Variants in ELSPBP1 observed in about 807,000 individuals in gnomAD.
ELSPBP1 encodes epididymal sperm-binding protein 1.
ELSPBP1 carries 38 observed loss-of-function variants against 33.3 expected under a neutral mutation model. The observed-to-expected ratio is 1.14, with a 90% CI of 0.88 to 1.50. The LOEUF is 1.50. ELSPBP1 is among the 40% of genes most tolerant of loss of function. The pLI, the probability that ELSPBP1 is intolerant of heterozygous loss-of-function variation, is 0.00. For missense variants in ELSPBP1, 267 were observed against 263.5 expected, an observed-to-expected ratio of 1.01 and a Z score of -0.09; for synonymous variants, 85 against 94.1, an observed-to-expected ratio of 0.90 and a Z score of 0.56.
chr19:48,022,488 A>G (rs376622857), intron 6 of ELSPBP1, 154 bp downstream of exon 6: 26 of 599,964 alleles, frequency 4.3e-5, no homozygotes, highest in South Asian at 3.8e-4. Context: ...CTTTTCCAGC[A>G]TGTCTGATTA....
chr19:48,006,632 A>AG (rs1967021337), intron 1 of ELSPBP1, among the ~76,000 whole-genome samples: 1 of 140,312 alleles, frequency 7.1e-6, no homozygotes, highest in Non-Finnish European at 1.6e-5. Flanking sequence ...AAAAAAAAAA[A>AG]AAAAAAAAAA....
intron 1 of ELSPBP1, among the ~76,000 whole-genome samples, chr19:47,997,480 CATT>C (rs1966922745): frequency 6.6e-6 from 1 of 152,056 alleles, no homozygotes; most frequent in African/African-American, 2.4e-5. Flanking sequence ...TGTATATACA[CATT>C]ATGTATGTGC....
At chr19:48,012,203 G>C (rs1967086550) in intron 2 of ELSPBP1, among the ~76,000 whole-genome samples, 1 of 152,116 alleles carries the variant, frequency 6.6e-6, no homozygotes, top group African/African-American at 2.4e-5. Flanking sequence ...ATGGCTCACT[G>C]TGGCCTCAAC....
At chr19:48,014,529 TG>T (rs1206329828) in intron 3 of ELSPBP1, among the ~76,000 whole-genome samples, 1 of 43,884 alleles carries the variant, frequency 2.3e-5, no homozygotes, top group Admixed American at 3.6e-4. Flanking sequence ...TGTTGTGGGG[TG>T]GGGGGCGGGG....
In ELSPBP1 at chr19:48,016,415, C is replaced by T. The variant is rs1010270645; in HGVS notation, c.355+376C>T. Among the ~76,000 whole-genome samples, 94 of 149,860 alleles carry T rather than the reference C, an allele frequency of 6.3e-4. 3 individuals carry two copies. The highest frequency in any genetic ancestry group is 1.5e-4 in the Non-Finnish European group (10 of 67,456). On this transcript the variant is annotated intron_variant, in intron 4 of 6. Coordinates refer to ENST00000339841, the MANE Select transcript of ELSPBP1 (RefSeq NM_022142.5). ...TTCCTTCCTTCCTTTCCTTTCTTTC[C>T]TTTCCTCCCTCCCTTCCTCCCTCCC...
chr19:47,998,661 C>G (rs2122287228), intron 1 of ELSPBP1, among the ~76,000 whole-genome samples: 1 of 152,030 alleles, frequency 6.6e-6, no homozygotes, highest in Non-Finnish European at 1.5e-5. Context: ...GTGGTGGGCG[C>G]CTGTAGTCCC....
intron 1 of ELSPBP1, among the ~76,000 whole-genome samples, chr19:48,004,488 C>T (rs894968581): frequency 1.3e-5 from 2 of 152,166 alleles, no homozygotes; most frequent in South Asian, 2.1e-4. Flanking sequence ...CCACTTGCTC[C>T]TTGAGCACAT....
At chr19:48,016,520 CTTTCTTT>C (rs1967141645) in intron 4 of ELSPBP1, among the ~76,000 whole-genome samples, 1 of 83,038 alleles carries the variant, frequency 1.2e-5, no homozygotes, top group African/African-American at 4.1e-5. Context: ...TTCTTTCTTT[CTTTCTTT>C]CTTCCTTCCT....
intron 1 of ELSPBP1, among the ~76,000 whole-genome samples, chr19:48,006,574 A>C (rs111653265): frequency 7.3e-6 from 1 of 137,404 alleles, no homozygotes; most frequent in Non-Finnish European, 1.5e-5. Context: ...AGGTGGTGCC[A>C]CTGCACTCCA....
At chr19:47,998,977 G>A (rs1966940346) in intron 1 of ELSPBP1, among the ~76,000 whole-genome samples, 1 of 152,158 alleles carries the variant, frequency 6.6e-6, no homozygotes, top group Non-Finnish European at 1.5e-5. Context: ...GTCCAGCCAT[G>A]TGGCCCTCCC....
At chr19:48,005,470 T>G (rs953355262) in intron 1 of ELSPBP1, among the ~76,000 whole-genome samples, 2 of 152,048 alleles carry the variant, frequency 1.3e-5, no homozygotes, top group African/African-American at 4.8e-5. Context: ...GGGCTACAAC[T>G]CAGGTGGTTG....
chr19:48,018,886 G>T (rs1220242629), intron 4 of ELSPBP1, among the ~76,000 whole-genome samples: 1 of 152,208 alleles, frequency 6.6e-6, no homozygotes, highest in Non-Finnish European at 1.5e-5. Flanking sequence ...GGGCGTGGTG[G>T]CTCATGCCTG....
intron 1 of ELSPBP1, among the ~76,000 whole-genome samples, chr19:47,999,478 TC>T (rs1328316684): frequency 6.8e-6 from 1 of 147,224 alleles, no homozygotes; most frequent in African/African-American, 2.5e-5. Flanking sequence ...AACCTCCACT[TC>T]CTGGCTTCAA....
chr19:48,014,299 C>CA lies in ELSPBP1; in HGVS notation c.200dup (p.Ser68GlufsTer2), dbSNP rs760133348. The CA allele has an allele frequency of 2.5e-6, 4 of 1,613,492 alleles. No individual in the cohort carries two copies. The highest frequency in any genetic ancestry group is 3.4e-6 in the Non-Finnish European group (4 of 1,179,910). On this transcript the variant is annotated frameshift_variant, in exon 3 of 7. Transcript: ENST00000339841. LOFTEE classifies it high-confidence loss of function. ...GTACAACGGCCAGTGGAAGTACTGCCAGAGTGAAGGTGAGTGGTATCACAT... is the reference window on the plus strand; with the variant it reads ...GTACAACGGCCAGTGGAAGTACTGCCAAGAGTGAAGGTGAGTGGTATCACAT...
intron 1 of ELSPBP1, among the ~76,000 whole-genome samples, chr19:48,006,396 T>C (rs1261425450): frequency 3.3e-5 from 5 of 151,732 alleles, no homozygotes; most frequent in Admixed American, 6.6e-5. Flanking sequence ...GGTGGATCAT[T>C]TGAGGTCAGG....
Position 48,013,716 on chromosome 19 carries a change from C to CA in ELSPBP1, c.71-442dup, listed in dbSNP as rs35241354. Among the ~76,000 whole-genome samples, 173 of 135,072 alleles carry CA rather than the reference C, an allele frequency of 1.3e-3. 2 individuals are homozygous for CA. Among genetic ancestry groups the CA allele is most frequent in the South Asian group, 2.1e-3 (9 of 4,322 alleles). The allele number at this position is 135,072 out of a possible 152,430, so 88.6% of individuals were successfully genotyped here. ...TGGGTGACAGAGTAAGACTTCATCT[C>CA]AAAAAAAAAAAAAGTAAATAAAATA... is the stretch of plus-strand genomic sequence containing the variant. On this transcript the variant is annotated intron_variant, in intron 2 of 6. Transcript: ENST00000339841.
intron 2 of ELSPBP1, among the ~76,000 whole-genome samples, chr19:48,013,520 C>A (rs1005471706): frequency 3.3e-5 from 5 of 152,060 alleles, no homozygotes; most frequent in African/African-American, 1.2e-4. Flanking sequence ...AGTTTGAGAC[C>A]AGCCTGGCCA....
chr19:48,019,876 C>T lies in ELSPBP1; in HGVS notation c.513C>T (p.Thr171=). ...KDGKWSFCAD[T]RISALVPGFP... is the part of the protein sequence containing the mutation. ...GAAAGTGGAGTTTCTGTGCCGACAC[C>T]AGTAATCTGGGGATGGGGGTTGGGT... Residue 171 remains threonine, a splice_region_variant and synonymous_variant, in exon 5 of 7, where the codon ACC becomes ACT. Coordinates refer to ENST00000339841, the MANE Select transcript of ELSPBP1 (RefSeq NM_022142.5). 1 of 1,609,860 alleles carries T rather than the reference C, an allele frequency of 6.2e-7. No individual in the cohort carries two copies. The highest frequency in any genetic ancestry group is 1.1e-5 in the South Asian group (1 of 90,762).
chr19:47,998,418 AG>A lies in ELSPBP1; in HGVS notation c.-18+3608del, dbSNP rs534635963. Reference sequence around the variant, plus strand: ...AGAGTGAGACTCCATCTCAAAAAAAAGAAAAAAAATCAATCAATCAATCAAT... The same window carrying A: ...AGAGTGAGACTCCATCTCAAAAAAAAAAAAAAAATCAATCAATCAATCAAT... On this transcript the variant is annotated intron_variant, in intron 1 of 6. Transcript: ENST00000339841. Among the ~76,000 whole-genome samples the A allele has an allele frequency of 3.7e-3, 557 of 152,040 alleles. 1 individual carries two copies. The highest frequency in any genetic ancestry group is 0.013 in the African/African-American group (532 of 41,410).
Sources: gnomAD v4.1 joint callset for allele counts (sites outside exome capture counted in the v4.1 genomes callset) on GRCh38, gnomAD v4.1.1 for gene constraint, MANE v1.5 for transcripts, NCBI Gene and HGNC (gene_info 2026-07-23, HGNC 2026-07-21) for gene names.